ARHGAP6: variants seen among roughly 807,000 people sequenced by gnomAD.
ARHGAP6 encodes the protein rho GTPase-activating protein 6.
A neutral mutation model predicts 55.7 loss-of-function variants in ARHGAP6; 16 were observed. The observed-to-expected ratio is 0.29, with a 90% CI of 0.19 to 0.44. ARHGAP6 has a LOEUF of 0.44. Ranked by LOEUF, ARHGAP6 falls within the 20% of genes least tolerant of loss-of-function variation. The pLI, the probability that ARHGAP6 is intolerant of heterozygous loss-of-function variation, is 1.00. For synonymous variants in ARHGAP6, 382 were observed against 360.9 expected, an observed-to-expected ratio of 1.06 and a Z score of -0.66; for missense variants, 698 against 808.9, an observed-to-expected ratio of 0.86 and a Z score of 1.66.
chrX:11,660,530 CAAAAAAAAAAAAAAAAAAAAAAAAAAAA>C (rs56274949), intron 1 of ARHGAP6, among the ~76,000 whole-genome samples: 451 of 27,278 alleles, frequency 0.017, 4 homozygotes, highest in Non-Finnish European at 0.029. Context: ...CTCTCTCTCT[CAAAAAAAAAAAAAAAAAAAAAAAAAAAA>C]AAAAAAAAAA....
chrX:11,200,864 A>T (rs2046609368), intron 2 of ARHGAP6, among the ~76,000 whole-genome samples: 2 of 112,402 alleles, frequency 1.8e-5, no homozygotes, highest in African/African-American at 6.5e-5. Flanking sequence ...ATTACAATTA[A>T]TTCTAGAGAT....
intron 1 of ARHGAP6, among the ~76,000 whole-genome samples, chrX:11,290,859 G>A (rs1217411178): frequency 8.9e-6 from 1 of 111,961 alleles, no homozygotes; most frequent in East Asian, 2.8e-4. Flanking sequence ...TTTTCTCACA[G>A]GCGAGGCCCT....
chrX:11,643,763 T>C (rs1358272980), intron 1 of ARHGAP6, among the ~76,000 whole-genome samples: 1 of 111,323 alleles, frequency 9.0e-6, no homozygotes, highest in Non-Finnish European at 1.9e-5. Flanking sequence ...TGACAGTGCA[T>C]AGTTTCTAGC....
chrX:11,158,237 T>A (rs2045890517), intron 9 of ARHGAP6, among the ~76,000 whole-genome samples: 1 of 111,941 alleles, frequency 8.9e-6, no homozygotes, highest in African/African-American at 3.3e-5. Context: ...GCAATGGGCA[T>A]GTGACTCCAT....
intron 2 of ARHGAP6, among the ~76,000 whole-genome samples, chrX:11,204,739 T>C (rs2046679815): frequency 8.9e-6 from 1 of 112,099 alleles, no homozygotes; most frequent in Admixed American, 9.5e-5. Flanking sequence ...CTTAGTCTTC[T>C]GAACCAGCCA....
intron 1 of ARHGAP6, among the ~76,000 whole-genome samples, chrX:11,619,791 T>A (rs2052207113): frequency 8.9e-6 from 1 of 111,777 alleles, no homozygotes; most frequent in African/African-American, 3.3e-5. Context: ...AACCAAGGCT[T>A]AACTATAAAT....
chrX:11,390,973 C>G (rs939411287), intron 1 of ARHGAP6, among the ~76,000 whole-genome samples: 1 of 111,951 alleles, frequency 8.9e-6, no homozygotes, highest in African/African-American at 3.3e-5. Flanking sequence ...GGTATATACC[C>G]AAAGGATTCT....
chrX:11,662,421 C>CAT (rs1405416617), intron 1 of ARHGAP6, among the ~76,000 whole-genome samples: 1 of 111,959 alleles, frequency 8.9e-6, no homozygotes, highest in Non-Finnish European at 1.9e-5. Context: ...CACACACACA[C>CAT]ACATACACAC....
chrX:11,417,248 C>G (rs1478515956), intron 1 of ARHGAP6, among the ~76,000 whole-genome samples: 1 of 105,692 alleles, frequency 9.5e-6, no homozygotes, highest in Non-Finnish European at 1.9e-5. Context: ...ATGTTTCCAC[C>G]GTGCAGCAAG....
At chrX:11,355,781 A>G (rs2048923412) in intron 1 of ARHGAP6, among the ~76,000 whole-genome samples, 1 of 111,460 alleles carries the variant, frequency 9.0e-6, no homozygotes, top group African/African-American at 3.3e-5. Context: ...TGATATGAGG[A>G]AGAGGGAGGG....
intron 1 of ARHGAP6, among the ~76,000 whole-genome samples, chrX:11,579,804 A>T (rs1342021776): frequency 8.9e-6 from 1 of 112,027 alleles, no homozygotes; most frequent in Admixed American, 9.5e-5. Context: ...ATCTGGGCAA[A>T]TATTTTACTG....
chrX:11,323,539 A>G (rs190267911), intron 1 of ARHGAP6, among the ~76,000 whole-genome samples: 2 of 112,164 alleles, frequency 1.8e-5, no homozygotes, highest in Admixed American at 1.9e-4. Context: ...CCCCAAAGAT[A>G]TCAACAGTTT....
At chrX:11,489,691 T>C (rs2050547363) in intron 1 of ARHGAP6, among the ~76,000 whole-genome samples, 1 of 111,508 alleles carries the variant, frequency 9.0e-6, no homozygotes, top group African/African-American at 3.3e-5. Context: ...TGACTTAGGG[T>C]GACTTGAAGA....
chrX:11,300,295 G>A (rs1397728368), intron 1 of ARHGAP6, among the ~76,000 whole-genome samples: 1 of 111,543 alleles, frequency 9.0e-6, no homozygotes, highest in Non-Finnish European at 1.9e-5. Context: ...GTTTCTTAGA[G>A]TTGTTTTATG....
intron 1 of ARHGAP6, among the ~76,000 whole-genome samples, chrX:11,573,948 A>G (rs746265723): frequency 4.5e-5 from 5 of 111,564 alleles, no homozygotes; most frequent in Admixed American, 2.9e-4. Context: ...CTTTGAAGCA[A>G]TTGTGAATGG....
rs1056716584 is a variant in ARHGAP6, at chrX:11,322,383, A to T, written c.589-67676T>A. On this transcript the variant is annotated intron_variant, in intron 1 of 12. Transcript: ENST00000337414. ...AGCATATTTTTCTTTTTTGAGACAG[A>T]GTTTCACTCTTGTTGTCCAGGCTGG... Among the ~76,000 whole-genome samples the T allele has an allele frequency of 1.6e-4, 18 of 109,539 alleles. 1 individual carries two copies. Among genetic ancestry groups the T allele is most frequent in the Non-Finnish European group, 3.8e-5 (2 of 52,577 alleles).
At chrX:11,349,026 T>C (rs1242161758) in intron 1 of ARHGAP6, among the ~76,000 whole-genome samples, 1 of 107,804 alleles carries the variant, frequency 9.3e-6, no homozygotes, top group African/African-American at 3.5e-5. Context: ...GATATGTGGA[T>C]AACTCCTGTT....
At chrX:11,282,351 T>C (rs750568358) in intron 1 of ARHGAP6, among the ~76,000 whole-genome samples, 31 of 112,029 alleles carry the variant, frequency 2.8e-4, no homozygotes, top group African/African-American at 8.8e-4. Flanking sequence ...AGACACTTTT[T>C]TTTGGCCCAT....
intron 1 of ARHGAP6, among the ~76,000 whole-genome samples, chrX:11,281,000 G>A (rs762948373): frequency 1.3e-4 from 15 of 111,127 alleles, no homozygotes; most frequent in African/African-American, 3.9e-4. Flanking sequence ...AAACAGCCCC[G>A]AACTGTAAAT....
Sources: allele counts gnomAD v4.1 joint callset (sites outside exome capture counted in the v4.1 genomes callset), GRCh38; gene constraint gnomAD v4.1.1; transcripts MANE v1.5; gene names NCBI Gene and HGNC (gene_info 2026-07-23, HGNC 2026-07-21).